The following FAIM2 variants were observed in gnomAD, a reference collection of about 807,000 sequenced individuals.
FAIM2 encodes protein lifeguard 2.
A neutral mutation model predicts 47.4 loss-of-function variants in FAIM2; 27 were observed. That is an observed-to-expected ratio of 0.57 (90% CI 0.42 to 0.78). The LOEUF (loss-of-function observed/expected upper bound fraction) is 0.78, where lower values mean the gene tolerates loss of function less well. Among genes scored for constraint, FAIM2 ranks in the 30% least tolerant of loss-of-function variants. FAIM2 has a pLI of 0.00. For missense variants in FAIM2, 311 were observed against 389.4 expected (o/e 0.80, Z 1.69); for synonymous variants, 156 against 159.3 (o/e 0.98, Z 0.16).
chr12:49,891,997 T>G (rs73116335), intron 5 of FAIM2, among the ~76,000 whole-genome samples: 44,055 of 152,054 alleles, frequency 0.29, 7,648 homozygotes, highest in Non-Finnish European at 0.38. Context: ...CAACCCCCAA[T>G]GGGCCTTCAA....
chr12:49,895,682 AG>A (rs1404981580), intron 5 of FAIM2, among the ~76,000 whole-genome samples: 2 of 152,172 alleles, frequency 1.3e-5, no homozygotes, highest in African/African-American at 2.4e-5. Context: ...GAACCCCCAG[AG>A]GCCAGGCTAG....
chr12:49,884,319 A>G (rs1565616216), intron 11 of FAIM2, among the ~76,000 whole-genome samples: 1 of 152,062 alleles, frequency 6.6e-6, no homozygotes, highest in Non-Finnish European at 1.5e-5. Context: ...GAGGAGAGCC[A>G]CTGGACATAG....
At chr12:49,894,725 A>C (rs1477968121) in intron 5 of FAIM2, among the ~76,000 whole-genome samples, 1 of 152,156 alleles carries the variant, frequency 6.6e-6, no homozygotes, top group Admixed American at 6.5e-5. Context: ...GGGCAAATAC[A>C]TGGGTTTCAC....
chr12:49,896,896 G>A (rs540453764), intron 5 of FAIM2, 135 bp downstream of exon 5: 23 of 754,458 alleles, frequency 3.0e-5, no homozygotes, highest in African/African-American at 2.7e-4. Context: ...CAGGGTTGGA[G>A]GGGATCTGTG....
At chr12:49,878,061 C>CGTGTGTATGTGT in intron 11 of FAIM2, among the ~76,000 whole-genome samples, 1 of 144,260 alleles carries the variant, frequency 6.9e-6, no homozygotes, top group East Asian at 2.1e-4. Context: ...TGTATATGTG[C>CGTGTGTATGTGT]GTGTATGTGT....
At chr12:49,878,354 ATG>A (rs376328534) in intron 11 of FAIM2, among the ~76,000 whole-genome samples, 9 of 126,164 alleles carry the variant, frequency 7.1e-5, no homozygotes, top group African/African-American at 2.8e-4. Flanking sequence ...ATGTGTGTGC[ATG>A]TGTGTATATG....
rs931699300 is a variant in FAIM2, at chr12:49,878,204, G to A, written c.802-7551C>T. ...TGTATATGTGTGTGCATATGTGTATGTATGTGCTTGTGTGTATATGTGCAT... is the reference window on the plus strand; with the variant it reads ...TGTATATGTGTGTGCATATGTGTATATATGTGCTTGTGTGTATATGTGCAT... On this transcript the variant is annotated intron_variant, in intron 11 of 11. Coordinates refer to ENST00000320634, the MANE Select transcript of FAIM2 (RefSeq NM_012306.4). Among the ~76,000 whole-genome samples the A allele has an allele frequency of 5.8e-4, 78 of 135,612 alleles. 13 individuals carry two copies. The highest frequency in any genetic ancestry group is 1.9e-3 in the African/African-American group (68 of 35,974). The allele number at this position is 135,612 out of a possible 152,430, so 89.0% of individuals were successfully genotyped here.
chr12:49,902,530 T>G (rs1489592207), intron 1 of FAIM2, among the ~76,000 whole-genome samples: 1 of 152,076 alleles, frequency 6.6e-6, no homozygotes, highest in African/African-American at 2.4e-5. Flanking sequence ...GTGCGTGAGC[T>G]GGGGACAAGG....
At chr12:49,900,096 GAGGGAA>G in intron 2 of FAIM2, 1 of 731,574 alleles carries the variant, frequency 1.4e-6, no homozygotes, top group Non-Finnish European at 2.0e-6. Flanking sequence ...GGGGAAAAGA[GAGGGAA>G]AGTGGGCCGG....
chr12:49,889,126 A>T lies in FAIM2; in HGVS notation c.728T>A (p.Ile243Asn). Residue 243 changes from isoleucine to asparagine, a missense_variant, in exon 10 of 12, where the codon ATC (isoleucine) becomes AAC (asparagine). Physicochemically the swap from Ile to Asn is moderately radical, Grantham distance 149. Transcript: ENST00000320634. ...ACTCACATATTGGAAGGGTAGGAGGATGGCCAGGATGAGTCCGCTGAAGAA... is the reference window on the plus strand; with the variant it reads ...ACTCACATATTGGAAGGGTAGGAGGTTGGCCAGGATGAGTCCGCTGAAGAA... ...TLFFSGLILA[I>N]LLPFQYVPWL... The T allele has an allele frequency of 6.2e-7, 1 of 1,610,876 alleles. No homozygotes were observed. The highest frequency in any genetic ancestry group is 8.5e-7 in the Non-Finnish European group (1 of 1,178,508).
rs1946871414 is a variant in FAIM2, at chr12:49,887,670, C to T, written c.748-231G>A. Reference sequence around the variant, plus strand: ...GGACTGGTGGGAGAACTCCCCCGAGCCTGGTCGTTCTTCCCGCAGCACACA... The same window carrying T: ...GGACTGGTGGGAGAACTCCCCCGAGTCTGGTCGTTCTTCCCGCAGCACACA... On this transcript the variant is annotated intron_variant, in intron 10 of 11. Coordinates refer to ENST00000320634, the MANE Select transcript of FAIM2 (RefSeq NM_012306.4). Among the ~76,000 whole-genome samples the T allele has an allele frequency of 2.6e-5, 4 of 151,986 alleles. No individual in the cohort carries two copies. In the South Asian group the frequency reaches 8.3e-4, roughly 32 times the overall value.
chr12:49,870,667 GGAGA>G lies in FAIM2; in HGVS notation c.802-18_802-15del, dbSNP rs572967312. On this transcript the variant is annotated splice_polypyrimidine_tract_variant and intron_variant, in intron 11 of 11. Coordinates refer to ENST00000320634, the MANE Select transcript of FAIM2 (RefSeq NM_012306.4). The stretch of plus-strand genomic sequence containing the variant: ...AAGTGCCAGGAACTGGGAGAAGTGA[GGAGA>G]GAGAGAGAGAGGTCAGAGGCCCAGG... 546 of 1,606,144 alleles carry G rather than the reference GGAGA, an allele frequency of 3.4e-4. 5 individuals carry two copies. In the South Asian group the frequency reaches 5.5e-3, roughly 16 times the overall value.
intron 5 of FAIM2, among the ~76,000 whole-genome samples, chr12:49,893,563 T>C (rs915906599): frequency 6.6e-6 from 1 of 152,068 alleles, no homozygotes; most frequent in African/African-American, 2.4e-5. Context: ...TATTTCTGGA[T>C]GAAATGCAAA....
At chr12:49,889,030 T>C in intron 10 of FAIM2, 77 bp downstream of exon 10, 2 of 1,052,270 alleles carry the variant, frequency 1.9e-6, no homozygotes, top group Non-Finnish European at 2.9e-6. Flanking sequence ...CCCTGGCGGA[T>C]AGGGGAGGGA....
At chr12:49,897,952 G>C (rs297937) in intron 3 of FAIM2, 35 bp downstream of exon 3, 847,339 of 1,532,198 alleles carry the variant, frequency 0.55, 237,740 homozygotes, top group East Asian at 0.75. Context: ...CCCCACTGAG[G>C]CTCCCAGTCC....
intron 4 of FAIM2, 95 bp downstream of exon 4, chr12:49,897,424 G>A: frequency 8.5e-7 from 1 of 1,182,052 alleles, no homozygotes; most frequent in Non-Finnish European, 1.3e-6. Context: ...CATCTCTCCA[G>A]GCAGCATTCC....
At chr12:49,889,712 C>G (rs970170781) in intron 8 of FAIM2, 144 bp from the exon 9 acceptor site, 5 of 671,848 alleles carry the variant, frequency 7.4e-6, no homozygotes, top group African/African-American at 7.2e-5. Context: ...ATCCCTCTGT[C>G]TGCCTCCCCA....
At chr12:49,888,899 G>T in intron 10 of FAIM2, among the ~76,000 whole-genome samples, 1 of 152,238 alleles carries the variant, frequency 6.6e-6, no homozygotes, top group East Asian at 1.9e-4. Flanking sequence ...GTGGAGCCAG[G>T]CAGGTACCCA....
intron 2 of FAIM2, among the ~76,000 whole-genome samples, chr12:49,898,530 G>C (rs948144001): frequency 6.6e-5 from 10 of 152,068 alleles, no homozygotes; most frequent in African/African-American, 2.4e-4. Context: ...TTTTTGTTTT[G>C]TTTTGTTTTT....
Sources: gnomAD v4.1 joint callset for allele counts (sites outside exome capture counted in the v4.1 genomes callset) on GRCh38, gnomAD v4.1.1 for gene constraint, MANE v1.5 for transcripts, NCBI Gene and HGNC (gene_info 2026-07-23, HGNC 2026-07-21) for gene names.